Variants in HS6ST3 observed in about 807,000 individuals in gnomAD.
HS6ST3 encodes the protein heparan sulfate 6-O-sulfotransferase 3, also known as heparan-sulfate 6-O-sulfotransferase 3.
HS6ST3 carries 12 observed loss-of-function variants against 36.7 expected under a neutral mutation model. That is an observed-to-expected ratio of 0.33 (90% CI 0.21 to 0.53). The LOEUF is 0.53. Ranked by LOEUF, HS6ST3 falls within the 20% of genes least tolerant of loss-of-function variation. The pLI, the probability that HS6ST3 is intolerant of heterozygous loss-of-function variation, is 0.95. For synonymous variants in HS6ST3, 240 were observed against 257.5 expected (o/e 0.93, Z 0.65); for missense variants, 584 against 640.9 (o/e 0.91, Z 0.96).
At chr13:96,127,483 G>C (rs1012449041) in intron 1 of HS6ST3, among the ~76,000 whole-genome samples, 1 of 152,176 alleles carries the variant, frequency 6.6e-6, no homozygotes, top group Non-Finnish European at 1.5e-5. Flanking sequence ...AGGTGGTGTT[G>C]CTCGCTTGCC....
intron 1 of HS6ST3, among the ~76,000 whole-genome samples, chr13:96,591,766 T>C (rs1230650538): frequency 6.6e-6 from 1 of 152,092 alleles, no homozygotes; most frequent in Non-Finnish European, 1.5e-5. Flanking sequence ...GCGTCCTTGT[T>C]GTGTTCCTGA....
At chr13:96,389,224 G>T (rs7332438) in intron 1 of HS6ST3, among the ~76,000 whole-genome samples, 127,567 of 152,012 alleles carry the variant, frequency 0.84, 53,946 homozygotes, top group South Asian at 0.91. Flanking sequence ...AAAACTGTAC[G>T]GGACTCAGAA....
chr13:96,342,256 G>A (rs2055134609), intron 1 of HS6ST3, among the ~76,000 whole-genome samples: 1 of 152,162 alleles, frequency 6.6e-6, no homozygotes, highest in Admixed American at 6.5e-5. Flanking sequence ...GAGACTCAAT[G>A]TCAGTTTGTG....
chr13:96,461,413 C>CA (rs2055783733), intron 1 of HS6ST3, among the ~76,000 whole-genome samples: 1 of 152,150 alleles, frequency 6.6e-6, no homozygotes, highest in South Asian at 2.1e-4. Context: ...GCCTCTACTA[C>CA]ATGCCAGAGA....
intron 1 of HS6ST3, among the ~76,000 whole-genome samples, chr13:96,343,942 C>T (rs2055141837): frequency 6.6e-6 from 1 of 152,078 alleles, no homozygotes; most frequent in African/African-American, 2.4e-5. Flanking sequence ...TGGGGTTTCA[C>T]CGTGTTAGCC....
chr13:96,410,454 A>T (rs1322089160), intron 1 of HS6ST3, among the ~76,000 whole-genome samples: 1 of 152,202 alleles, frequency 6.6e-6, no homozygotes, highest in African/African-American at 2.4e-5. Context: ...TATATTATCT[A>T]TCAAACTGAT....
At chr13:96,423,923 C>T (rs1453847545) in intron 1 of HS6ST3, among the ~76,000 whole-genome samples, 2 of 152,242 alleles carry the variant, frequency 1.3e-5, no homozygotes, top group African/African-American at 2.4e-5. Context: ...CCCAAACATG[C>T]GATTGTATCT....
intron 1 of HS6ST3, among the ~76,000 whole-genome samples, chr13:96,624,397 G>C (rs559738684): frequency 4.6e-5 from 7 of 151,856 alleles, no homozygotes; most frequent in Admixed American, 3.9e-4. Flanking sequence ...GCCTAGATTT[G>C]TATTTCATAT....
chr13:96,449,659 A>G lies in HS6ST3; in HGVS notation c.707+358090A>G, dbSNP rs530636285. ...TATATACGTGCATATGTAAATGTAC[A>G]TATTCACATATATGTGTATAACTCT... On this transcript the variant is annotated intron_variant, in intron 1 of 1. Coordinates refer to ENST00000376705, the MANE Select transcript of HS6ST3 (RefSeq NM_153456.4). Among the ~76,000 whole-genome samples, 9 of 152,334 alleles carry G rather than the reference A, an allele frequency of 5.9e-5. No individual in the cohort carries two copies. In the South Asian group the frequency reaches 1.7e-3, roughly 28 times the overall value.
chr13:96,694,064 A>G (rs1278706004), intron 1 of HS6ST3, among the ~76,000 whole-genome samples: 1 of 152,110 alleles, frequency 6.6e-6, no homozygotes, highest in Non-Finnish European at 1.5e-5. Context: ...CAGATTCATT[A>G]TAGAGGTAAA....
rs572422213 is a variant in HS6ST3, at chr13:96,621,205, G to A, written c.708-211285G>A. ...GCATGAGGGAACCTTGATATGGTTT[G>A]ACTGTGTGTCCCCACCCAAATCTTA... On this transcript the variant is annotated intron_variant, in intron 1 of 1. Transcript: ENST00000376705. Among the ~76,000 whole-genome samples the A allele has an allele frequency of 8.5e-5, 13 of 152,322 alleles. No homozygotes were observed. The South Asian group carries it at 2.3e-3, about 27-fold the overall frequency.
At chr13:96,252,298 A>G (rs2054611433) in intron 1 of HS6ST3, among the ~76,000 whole-genome samples, 1 of 152,314 alleles carries the variant, frequency 6.6e-6, no homozygotes, top group South Asian at 2.1e-4. Flanking sequence ...TTCTTGTGAC[A>G]GTTGCATTTG....
chr13:96,788,955 G>A (rs1877717254), intron 1 of HS6ST3, among the ~76,000 whole-genome samples: 1 of 151,824 alleles, frequency 6.6e-6, no homozygotes, highest in South Asian at 2.1e-4. Context: ...CATATAATTG[G>A]ATCTTGTATT....
chr13:96,222,310 C>A (rs931772080), intron 1 of HS6ST3, among the ~76,000 whole-genome samples: 1 of 152,016 alleles, frequency 6.6e-6, no homozygotes, highest in Non-Finnish European at 1.5e-5. Context: ...ATTTCTAGGC[C>A]CTGTAAAATG....
intron 1 of HS6ST3, among the ~76,000 whole-genome samples, chr13:96,258,648 T>C (rs2054649409): frequency 6.6e-6 from 1 of 152,166 alleles, no homozygotes; most frequent in Non-Finnish European, 1.5e-5. Flanking sequence ...CCAGGCTGTT[T>C]CTTGGTCATA....
At chr13:96,348,698 T>G (rs887300362) in intron 1 of HS6ST3, among the ~76,000 whole-genome samples, 1 of 152,194 alleles carries the variant, frequency 6.6e-6, no homozygotes, top group Non-Finnish European at 1.5e-5. Context: ...GCAGTTGGAA[T>G]AGCCCGGCTT....
At chr13:96,802,868 T>G (rs1482575166) in intron 1 of HS6ST3, among the ~76,000 whole-genome samples, 1 of 152,186 alleles carries the variant, frequency 6.6e-6, no homozygotes, top group Non-Finnish European at 1.5e-5. Context: ...ATAAACCATA[T>G]TTTCAAGTGG....
At chr13:96,459,984 T>C (rs1036794573) in intron 1 of HS6ST3, among the ~76,000 whole-genome samples, 15 of 152,324 alleles carry the variant, frequency 9.8e-5, no homozygotes, top group African/African-American at 3.1e-4. Context: ...AGTGTAATGA[T>C]GATTAATGGG....
intron 1 of HS6ST3, among the ~76,000 whole-genome samples, chr13:96,098,938 T>TTTGTTG (rs373140921): frequency 2.0e-5 from 3 of 152,002 alleles, no homozygotes; most frequent in African/African-American, 2.4e-5. Flanking sequence ...TGCATATATG[T>TTTGTTG]TTGTTGTTGT....
Sources: allele counts gnomAD v4.1 joint callset (sites outside exome capture counted in the v4.1 genomes callset), GRCh38; gene constraint gnomAD v4.1.1; transcripts MANE v1.5; gene names NCBI Gene and HGNC (gene_info 2026-07-23, HGNC 2026-07-21).